RIMS2: variants seen among roughly 807,000 people sequenced by gnomAD.
RIMS2 encodes the protein regulating synaptic membrane exocytosis protein 2.
In RIMS2, 59 loss-of-function variants were observed where a neutral mutation model predicts 174.4. The observed-to-expected ratio is 0.34, with a 90% CI of 0.27 to 0.42. RIMS2 has a LOEUF of 0.42. Ranked by LOEUF, RIMS2 falls within the 10% of genes least tolerant of loss-of-function variation. RIMS2 has a pLI of 1.00. For synonymous variants in RIMS2, 606 were observed against 572.5 expected, an observed-to-expected ratio of 1.06 and a Z score of -0.84; for missense variants, 1,620 against 1,666.3, an observed-to-expected ratio of 0.97 and a Z score of 0.48.
chr8:104,213,887 A>AG (rs2099117160), intron 19 of RIMS2, among the ~76,000 whole-genome samples: 6 of 141,624 alleles, frequency 4.2e-5, no homozygotes, highest in African/African-American at 1.2e-4. Context: ...GAAAAAAAAA[A>AG]AAAGAAGAAG....
At chr8:104,043,125 A>G (rs1341386207) in intron 19 of RIMS2, among the ~76,000 whole-genome samples, 3 of 151,664 alleles carry the variant, frequency 2.0e-5, no homozygotes, top group Non-Finnish European at 4.4e-5. Context: ...ACTAGACAGT[A>G]ATGATCTTTG....
intron 19 of RIMS2, among the ~76,000 whole-genome samples, chr8:104,171,688 G>T (rs755899951): frequency 1.3e-5 from 2 of 152,086 alleles, no homozygotes; most frequent in Non-Finnish European, 2.9e-5. Flanking sequence ...GAGCGAGTAT[G>T]ATCTTTTGGT....
At chr8:104,064,464 T>A (rs2154560820) in intron 19 of RIMS2, among the ~76,000 whole-genome samples, 1 of 152,170 alleles carries the variant, frequency 6.6e-6, no homozygotes, top group East Asian at 1.9e-4. Flanking sequence ...CTTGTGTAAT[T>A]TAAGGAAGGG....
chr8:103,629,530 A>C (rs1182293787), intron 1 of RIMS2, among the ~76,000 whole-genome samples: 1 of 152,228 alleles, frequency 6.6e-6, no homozygotes, highest in East Asian at 1.9e-4. Context: ...ACCTAACAGG[A>C]AGTAAAAAAA....
upstream of RIMS2, chr8:103,500,726 C>A: frequency 1.9e-6 from 1 of 538,430 alleles, no homozygotes; most frequent in Non-Finnish European, 3.3e-6. Flanking sequence ...TCCCCTCCCC[C>A]TGCTTTTCTT....
At position 103,989,760 on chromosome 8, in the gene RIMS2, T is replaced by TTA. The variant is rs568075975; in HGVS notation, c.3044+348_3044+349dup. 5.2e-3 allele frequency among the ~76,000 whole-genome samples: 798 copies of TTA among 152,300 alleles called. 1 individual carries two copies. The highest frequency in any genetic ancestry group is 8.8e-3 in the Non-Finnish European group (599 of 67,992). On this transcript the variant is annotated intron_variant, in intron 17 of 23. Transcript: ENST00000504942. Reference sequence around the variant, plus strand: ...TTATTATTTTTCTTGTCATAAACAATTATATATATAAATACTTTCATGAGA... The same window carrying TTA: ...TTATTATTTTTCTTGTCATAAACAATTATATATATATAAATACTTTCATGAGA...
chr8:103,563,781 C>G (rs1378048619), intron 1 of RIMS2, among the ~76,000 whole-genome samples: 12 of 152,170 alleles, frequency 7.9e-5, no homozygotes, highest in African/African-American at 2.4e-4. Flanking sequence ...AATGGACTTA[C>G]AGTTCCACGT....
intron 1 of RIMS2, among the ~76,000 whole-genome samples, chr8:103,586,194 A>T (rs10112150): frequency 0.18 from 27,720 of 152,162 alleles, 2,773 homozygotes; most frequent in African/African-American, 0.26. Context: ...AATCTTCCAG[A>T]CAGAAAATTA....
intron 19 of RIMS2, among the ~76,000 whole-genome samples, chr8:104,057,087 G>A (rs13249939): frequency 0.25 from 35,697 of 140,030 alleles, 4,648 homozygotes; most frequent in South Asian, 0.36. Flanking sequence ...TTTCTTTTGA[G>A]ACAAGGTCTC....
At chr8:103,686,334 G>A (rs1323047074) in intron 1 of RIMS2, among the ~76,000 whole-genome samples, 1 of 151,670 alleles carries the variant, frequency 6.6e-6, no homozygotes, top group African/African-American at 2.4e-5. Context: ...TTCTTTTCTT[G>A]CCTTAATGTG....
intron 19 of RIMS2, among the ~76,000 whole-genome samples, chr8:104,098,834 T>G (rs1335710565): frequency 6.6e-6 from 1 of 152,192 alleles, no homozygotes; most frequent in African/African-American, 2.4e-5. Context: ...CATAGCTATG[T>G]GATATAACTT....
chr8:103,978,484 T>C (rs1293338458), intron 16 of RIMS2, among the ~76,000 whole-genome samples: 1 of 150,938 alleles, frequency 6.6e-6, no homozygotes, highest in East Asian at 1.9e-4. Flanking sequence ...AATTAGACAG[T>C]CTGTACTTTG....
chr8:103,916,346 T>C, intron 7 of RIMS2, 68 bp from the exon 11 acceptor site: 1 of 1,120,154 alleles, frequency 8.9e-7, no homozygotes, highest in Non-Finnish European at 1.3e-6. Context: ...AAGTTTAAGA[T>C]GCTCTTAAGT....
intron 2 of RIMS2, among the ~76,000 whole-genome samples, chr8:103,710,646 T>A (rs1254591887): frequency 6.6e-6 from 1 of 152,162 alleles, no homozygotes; most frequent in African/African-American, 2.4e-5. Flanking sequence ...TCTTTTACTT[T>A]TTGGTAAGAA....
intron 3 of RIMS2, among the ~76,000 whole-genome samples, chr8:103,834,332 C>CT (rs397892077): frequency 0.25 from 29,701 of 119,120 alleles, 4,374 homozygotes; most frequent in East Asian, 0.72. Context: ...TTTTCTTTTT[C>CT]TTTTTTTTTT....
At chr8:104,145,678 T>TAAATAAAC (rs1566672218) in intron 19 of RIMS2, among the ~76,000 whole-genome samples, 2 of 142,496 alleles carry the variant, frequency 1.4e-5, no homozygotes, top group East Asian at 4.0e-4. Flanking sequence ...ATACAATAAA[T>TAAATAAAC]AAATAAATAA....
At chr8:103,568,266 C>T (rs1016385998) in intron 1 of RIMS2, among the ~76,000 whole-genome samples, 2 of 151,850 alleles carry the variant, frequency 1.3e-5, no homozygotes, top group Non-Finnish European at 2.9e-5. Flanking sequence ...CTGCTGCACT[C>T]CAGCCTGGGT....
At chr8:103,723,873 G>T (rs1265937411) in intron 2 of RIMS2, among the ~76,000 whole-genome samples, 1 of 152,192 alleles carries the variant, frequency 6.6e-6, no homozygotes, top group Non-Finnish European at 1.5e-5. Flanking sequence ...ATCCTGGTAT[G>T]GGCCTACAGC....
intron 1 of RIMS2, among the ~76,000 whole-genome samples, chr8:103,573,387 AATTTTTGAAT>A (rs2092980956): frequency 6.6e-6 from 1 of 151,990 alleles, no homozygotes; most frequent in Non-Finnish European, 1.5e-5. Context: ...ATCTTGAATT[AATTTTTGAAT>A]ATGGTCACAG....
Sources: allele counts gnomAD v4.1 joint callset (sites outside exome capture counted in the v4.1 genomes callset), GRCh38; gene constraint gnomAD v4.1.1; transcripts MANE v1.5; gene names NCBI Gene and HGNC (gene_info 2026-07-23, HGNC 2026-07-21).